LINGO2: variants seen among roughly 807,000 people sequenced by gnomAD.
The protein encoded by LINGO2 is leucine-rich repeat and immunoglobulin-like domain-containing nogo receptor-interacting protein 2.
Under a neutral mutation model 30.6 loss-of-function variants are expected in LINGO2, and 14 were observed. The observed-to-expected ratio is 0.46, with a 90% CI of 0.30 to 0.72. The LOEUF (loss-of-function observed/expected upper bound fraction) is 0.72. LINGO2 is among the 30% of genes least tolerant of loss of function. The pLI, the probability that LINGO2 is intolerant of heterozygous loss-of-function variation, is 0.07. For missense variants in LINGO2, 729 were observed against 751.7 expected, an observed-to-expected ratio of 0.97 and a Z score of 0.35; for synonymous variants, 317 against 288.5, an observed-to-expected ratio of 1.10 and a Z score of -1.00.
At chr9:28,895,037 A>G in the LINGO2 span, among the ~76,000 whole-genome samples, 2 of 152,114 alleles carry the variant, frequency 1.3e-5, no homozygotes, top group Non-Finnish European at 2.9e-5. Flanking sequence ...GACTGTCTTC[A>G]GTAATTATCT....
chr9:28,057,112 G>A (rs1021463313), intron 4 of LINGO2, among the ~76,000 whole-genome samples: 2 of 152,062 alleles, frequency 1.3e-5, no homozygotes, highest in Admixed American at 1.3e-4. Context: ...GCTTATGAAT[G>A]AATGCAGTTA....
At position 28,519,735 on chromosome 9, in the gene LINGO2, G is replaced by A. The variant is rs140607452; in HGVS notation, c.-364-43710C>T. 7.2e-4 allele frequency among the ~76,000 whole-genome samples: 109 copies of A among 152,246 alleles called. No individual in the cohort carries two copies. In the East Asian group the frequency reaches 0.012, roughly 16 times the overall value. Reference sequence around the variant, plus strand: ...TTTCTGCAAGGCAAGACTGCAGCTTGTCTTTTACCCTCACTACTGGGGTTT... The same window carrying A: ...TTTCTGCAAGGCAAGACTGCAGCTTATCTTTTACCCTCACTACTGGGGTTT... On this transcript the variant is annotated intron_variant, in intron 1 of 5. Transcript: ENST00000379992.
At chr9:29,130,511 A>T in the LINGO2 span, among the ~76,000 whole-genome samples, 1 of 152,138 alleles carries the variant, frequency 6.6e-6, no homozygotes, top group Non-Finnish European at 1.5e-5. Flanking sequence ...AGTGAACTTG[A>T]TGCCCATGGC....
At chr9:28,168,150 G>A (rs1277019677) in intron 4 of LINGO2, among the ~76,000 whole-genome samples, 1 of 152,196 alleles carries the variant, frequency 6.6e-6, no homozygotes, top group East Asian at 1.9e-4. Context: ...GGTTTGAGCA[G>A]GGAGTGTGGT....
At chr9:29,207,214 A>G in the LINGO2 span, among the ~76,000 whole-genome samples, 1 of 152,154 alleles carries the variant, frequency 6.6e-6, no homozygotes, top group East Asian at 1.9e-4. Flanking sequence ...ATAAAGGTCA[A>G]GTCAAAAATT....
At chr9:28,735,031 G>A in the LINGO2 span, among the ~76,000 whole-genome samples, 1 of 152,042 alleles carries the variant, frequency 6.6e-6, no homozygotes, top group Admixed American at 6.6e-5. Flanking sequence ...GGACACATAG[G>A]CTGGTTACAG....
the LINGO2 span, among the ~76,000 whole-genome samples, chr9:28,790,550 G>A: frequency 6.6e-6 from 1 of 150,544 alleles, no homozygotes; most frequent in African/African-American, 2.4e-5. Context: ...TAGCCAGGAT[G>A]GTCTTGATCT....
chr9:28,834,152 T>A, the LINGO2 span, among the ~76,000 whole-genome samples: 1 of 152,126 alleles, frequency 6.6e-6, no homozygotes, highest in Non-Finnish European at 1.5e-5. Flanking sequence ...TGATCTCTTA[T>A]CAGAGAGAGG....
the LINGO2 span, among the ~76,000 whole-genome samples, chr9:28,876,648 C>T: frequency 1.3e-5 from 2 of 152,064 alleles, no homozygotes; most frequent in African/African-American, 4.8e-5. Context: ...TCCAGTCTAT[C>T]GTTGCTGGAC....
chr9:29,113,775 T>G, the LINGO2 span, among the ~76,000 whole-genome samples: 35,756 of 152,000 alleles, frequency 0.24, 4,349 homozygotes, highest in East Asian at 0.41. Context: ...CAAAGCATAA[T>G]CAAAGCAATA....
chr9:28,031,074 C>T (rs919686415), intron 4 of LINGO2, among the ~76,000 whole-genome samples: 7 of 152,080 alleles, frequency 4.6e-5, no homozygotes, highest in Admixed American at 2.6e-4. Flanking sequence ...TTAATGGAGT[C>T]GATTAATGAG....
At chr9:28,042,338 A>G (rs917418930) in intron 4 of LINGO2, among the ~76,000 whole-genome samples, 3 of 152,176 alleles carry the variant, frequency 2.0e-5, no homozygotes, top group Admixed American at 6.5e-5. Flanking sequence ...GAGGAAATCA[A>G]TCAGCTCCAT....
At chr9:28,717,929 G>A in the LINGO2 span, among the ~76,000 whole-genome samples, 1 of 151,856 alleles carries the variant, frequency 6.6e-6, no homozygotes, top group Non-Finnish European at 1.5e-5. Context: ...TAAATTCACA[G>A]AGCATTTACT....
chr9:28,014,074 T>C (rs1272040346), intron 4 of LINGO2, among the ~76,000 whole-genome samples: 1 of 152,196 alleles, frequency 6.6e-6, no homozygotes, highest in East Asian at 1.9e-4. Context: ...GTGCAGCCTT[T>C]TTTTGCCACC....
chr9:29,201,833 GAA>G, the LINGO2 span, among the ~76,000 whole-genome samples: 1 of 151,998 alleles, frequency 6.6e-6, no homozygotes, highest in Non-Finnish European at 1.5e-5. Flanking sequence ...ATGCAGGCCA[GAA>G]AAGTGTTTTT....
intron 4 of LINGO2, among the ~76,000 whole-genome samples, chr9:28,104,307 CAAT>C (rs1826515567): frequency 1.9e-5 from 2 of 104,474 alleles, no homozygotes; most frequent in African/African-American, 3.7e-5. Flanking sequence ...CCCCAAGCAA[CAAT>C]GACGAATGAG....
chr9:28,917,879 T>C, the LINGO2 span, among the ~76,000 whole-genome samples: 1 of 151,864 alleles, frequency 6.6e-6, no homozygotes, highest in Non-Finnish European at 1.5e-5. Flanking sequence ...GAAAATTGAA[T>C]AGTCATTAAT....
At position 28,203,102 on chromosome 9, in the gene LINGO2, C is replaced by A. The variant is rs191582170; in HGVS notation, c.-87+92106G>T. 2.0e-5 allele frequency among the ~76,000 whole-genome samples: 3 copies of A among 152,132 alleles called. No homozygotes were observed. The East Asian group carries it at 5.8e-4, about 29-fold the overall frequency. On this transcript the variant is annotated intron_variant, in intron 4 of 5. Transcript: ENST00000379992. ...TTACAATGAAATGTATAGCCTTCCA[C>A]CTATAATGATTGAGACTATATTTAA...
the LINGO2 span, among the ~76,000 whole-genome samples, chr9:28,751,792 T>G: frequency 2.0e-5 from 3 of 152,020 alleles, no homozygotes; most frequent in African/African-American, 7.3e-5. Context: ...AGCAAAGATT[T>G]TATCGTATGT....
Sources: allele counts gnomAD v4.1 joint callset (sites outside exome capture counted in the v4.1 genomes callset), GRCh38; gene constraint gnomAD v4.1.1; transcripts MANE v1.5; gene names NCBI Gene and HGNC (gene_info 2026-07-23, HGNC 2026-07-21).